APOD: variants seen among roughly 807,000 people sequenced by gnomAD.
APOD encodes the protein apo-D.
APOD carries 22 observed loss-of-function variants against 20.4 expected under a neutral mutation model. The ratio of observed to expected loss-of-function variants is 1.08; its 90% CI spans 0.77 to 1.54. The LOEUF is 1.54. APOD is among the 40% of genes most tolerant of loss of function. APOD has a pLI of 0.00. For missense variants in APOD, 223 were observed against 229.6 expected, an observed-to-expected ratio of 0.97 and a Z score of 0.19; for synonymous variants, 97 against 92.4, an observed-to-expected ratio of 1.05 and a Z score of -0.29.
At chr3:195,583,643 C>A (rs576471577) in intron 1 of APOD, among the ~76,000 whole-genome samples, 4 of 152,262 alleles carry the variant, frequency 2.6e-5, no homozygotes, top group Admixed American at 1.3e-4. Flanking sequence ...TTGGTTTTAT[C>A]TTAGGCATGT....
chr3:195,575,597 A>G (rs1720234672), intron 2 of APOD, among the ~76,000 whole-genome samples: 1 of 152,172 alleles, frequency 6.6e-6, no homozygotes, highest in Admixed American at 6.5e-5. Context: ...ATTTTGAACA[A>G]TGTAAATATA....
At chr3:195,572,826 C>G (rs1446908104) in intron 3 of APOD, among the ~76,000 whole-genome samples, 1 of 151,316 alleles carries the variant, frequency 6.6e-6, no homozygotes, top group Non-Finnish European at 1.5e-5. Flanking sequence ...GCCTGGCCAA[C>G]ACAGTGAAAC....
intron 4 of APOD, 55 bp from the exon 5 acceptor site, chr3:195,569,190 G>C: frequency 6.7e-7 from 1 of 1,498,698 alleles, no homozygotes; most frequent in Non-Finnish European, 9.3e-7. Flanking sequence ...AGAAATCTCA[G>C]GACAACACAA....
intron 2 of APOD, among the ~76,000 whole-genome samples, chr3:195,576,691 T>A (rs1224350336): frequency 3.3e-5 from 5 of 151,716 alleles, no homozygotes; most frequent in South Asian, 2.1e-4. Context: ...GCAACTGTAA[T>A]ACCAGCTACT....
At chr3:195,569,799 T>G (rs986990691) in intron 4 of APOD, among the ~76,000 whole-genome samples, 2 of 130,830 alleles carry the variant, frequency 1.5e-5, no homozygotes, top group African/African-American at 2.9e-5. Flanking sequence ...TTTTTTTTTT[T>G]TTTTTTTTTT....
intron 3 of APOD, among the ~76,000 whole-genome samples, chr3:195,573,505 G>A (rs768902223): frequency 6.6e-6 from 1 of 152,220 alleles, no homozygotes; most frequent in Non-Finnish European, 1.5e-5. Flanking sequence ...GGAAGTGTTT[G>A]AACAAAGCTG....
At position 195,573,950 on chromosome 3, in the gene APOD, T is replaced by C. The variant is rs546417992; in HGVS notation, c.145A>G (p.Ile49Val). 4 of 1,614,198 alleles carry C rather than the reference T, an allele frequency of 2.5e-6. No homozygotes were observed. In the South Asian group the frequency reaches 3.3e-5, roughly 13 times the overall value. ...TCAAAGGTTGTTGGGATCTTCTCAA[T>C]TTCGTACCATCTTCCGAGATACTGC... is the stretch of plus-strand genomic sequence containing the variant. The part of the protein sequence containing the change: ...VNKYLGRWYE[I>V]EKIPTTFENG... Residue 49 changes from isoleucine to valine, a missense_variant, in exon 3 of 5, where the codon ATT becomes GTT. By Grantham distance (29) the Ile-to-Val change is conservative (BLOSUM62 3). Coordinates refer to ENST00000343267, the MANE Select transcript of APOD (RefSeq NM_001647.4).
intron 2 of APOD, among the ~76,000 whole-genome samples, chr3:195,578,347 G>A (rs1720280328): frequency 1.3e-5 from 2 of 152,104 alleles, no homozygotes; most frequent in African/African-American, 4.8e-5. Context: ...CCCATGGATG[G>A]TGCTCCTTCT....
chr3:195,576,136 GA>G (rs1392285548), intron 2 of APOD, among the ~76,000 whole-genome samples: 3 of 152,160 alleles, frequency 2.0e-5, no homozygotes, highest in African/African-American at 7.2e-5. Context: ...AAGTACCAAA[GA>G]ATAAGGTTAG....
chr3:195,569,230 GC>G (rs1172720096), intron 4 of APOD, 95 bp from the exon 5 acceptor site: 4 of 1,001,216 alleles, frequency 4.0e-6, no homozygotes, highest in Admixed American at 2.0e-5. Context: ...CACCCACCAA[GC>G]CCCCCACCTC....
rs539826949 is a variant in APOD at position 195,571,336 on chromosome 3, C to T, written c.275G>A (p.Gly92Asp). 8 of 1,614,022 alleles carry T rather than the reference C, an allele frequency of 5.0e-6. No homozygotes were observed. In the Admixed American group the frequency reaches 8.3e-5, roughly 17 times the overall value. The change falls in exon 4 of 5, where the codon GGT becomes GAT. Residue 92 changes from glycine (G) to aspartate (D), a missense_variant. Gly to Asp is a moderately conservative substitution (Grantham distance 94). Transcript: ENST00000343267. ...RADGTVNQIE[G>D]EATPVNLTEP... ...TGTGAGGTTAACTGGGGTGGCTTCA[C>T]CTTCGATTTGATTCACAGTTCCATC...
intron 2 of APOD, among the ~76,000 whole-genome samples, chr3:195,578,528 T>G (rs191093788): frequency 1.3e-5 from 2 of 152,294 alleles, no homozygotes; most frequent in East Asian, 3.9e-4. Context: ...AGTGGGAGCC[T>G]GTGAGTCCTG....
chr3:195,577,277 G>C (rs1720264235), intron 2 of APOD: 1 of 266,112 alleles, frequency 3.8e-6, no homozygotes, highest in South Asian at 3.1e-5. Flanking sequence ...TTTAACCAAA[G>C]AAACATAAAA....
intron 2 of APOD, 87 bp from the exon 3 acceptor site, chr3:195,574,058 G>A (rs138499345): frequency 2.2e-5 from 33 of 1,533,554 alleles, no homozygotes; most frequent in Middle Eastern, 3.5e-4. Context: ...GCAGAGCCCT[G>A]TCCTGGGGAA....
chr3:195,568,985 G>A lies in APOD; in HGVS notation c.485C>T (p.Ser162Phe). ...ATTAGAAGTCAGGATATTTTTTAGA[G>A]AGTCCACTGTTTCTGGAGGGAGATT... ...NPNLPPETVD[S>F]LKNILTSNNI... Residue 162 changes from serine to phenylalanine, a missense_variant, in exon 5 of 5, where the codon TCT becomes TTT. Ser to Phe is a radical substitution (Grantham distance 155). Coordinates refer to ENST00000343267, the MANE Select transcript of APOD (RefSeq NM_001647.4). 1 of 1,614,134 alleles carries A rather than the reference G, an allele frequency of 6.2e-7. No individual in the cohort carries two copies. Among genetic ancestry groups the A allele is most frequent in the Non-Finnish European group, 8.5e-7 (1 of 1,180,016 alleles).
At chr3:195,569,236 C>G (rs941499969) in intron 4 of APOD, 101 bp from the exon 5 acceptor site, 14 of 955,800 alleles carry the variant, frequency 1.5e-5, no homozygotes, top group East Asian at 2.5e-5. Context: ...CCAAGCCCCC[C>G]ACCTCTGATT....
rs200510277 is a variant in APOD, at chr3:195,568,903, C to T, written c.567G>A (p.Ser189=). ...VTDQVNCPKL[S] Reference sequence around the variant, plus strand: ...GCAGCCTCCCTGTAGAACCTGGTTACGAGAGCTTGGGGCAGTTCACCTGGT... The same window carrying T: ...GCAGCCTCCCTGTAGAACCTGGTTATGAGAGCTTGGGGCAGTTCACCTGGT... Residue 189 remains serine, a synonymous_variant, in exon 5 of 5, where the codon TCG becomes TCA. Transcript: ENST00000343267. 29 of 1,611,974 alleles carry T rather than the reference C, an allele frequency of 1.8e-5. No homozygotes were observed. The African/African-American group carries it at 2.5e-4, about 14-fold the overall frequency.
At position 195,579,355 on chromosome 3, in the gene APOD, T is replaced by C; in HGVS notation, c.107A>G (p.Asn36Ser). ...GCCTTTTACCTTATTCACGTCAAAATTCTCCTGCACCGGAGGATTGGGGCA... is the reference window on the plus strand; with the variant it reads ...GCCTTTTACCTTATTCACGTCAAAACTCTCCTGCACCGGAGGATTGGGGCA... ...GKCPNPPVQE[N>S]FDVNKYLGRW... Residue 36 changes from asparagine (N) to serine (S), a missense_variant, in exon 2 of 5, where the codon AAT becomes AGT. Asn to Ser is a conservative substitution (Grantham distance 46, BLOSUM62 1). Transcript: ENST00000343267. 6.2e-7 allele frequency: 1 copy of C among 1,614,220 alleles called. No homozygotes were observed. Among genetic ancestry groups the C allele is most frequent in the African/African-American group, 1.3e-5 (1 of 75,056 alleles).
At chr3:195,569,552 C>A (rs36070835) in intron 4 of APOD, among the ~76,000 whole-genome samples, 3 of 152,236 alleles carry the variant, frequency 2.0e-5, no homozygotes, top group South Asian at 4.1e-4. Flanking sequence ...CTCACCCAGG[C>A]TGGCACATTC....
Sources: allele counts gnomAD v4.1 joint callset (sites outside exome capture counted in the v4.1 genomes callset), GRCh38; gene constraint gnomAD v4.1.1; transcripts MANE v1.5; gene names NCBI Gene and HGNC (gene_info 2026-07-23, HGNC 2026-07-21).